ZRANB3: variants seen among roughly 807,000 people sequenced by gnomAD.
ZRANB3 encodes DNA annealing helicase and endonuclease ZRANB3.
In ZRANB3, 125 loss-of-function variants were observed where a neutral mutation model predicts 133.8. The observed-to-expected ratio is 0.93, with a 90% CI of 0.81 to 1.08. The LOEUF is 1.08. Among genes scored for constraint, ZRANB3 ranks in the 50% least tolerant of loss-of-function variants. The probability of loss-of-function intolerance (pLI) is 0.00; values close to 1 mark genes in which losing one functional copy is unlikely to be tolerated. For missense variants in ZRANB3, 1,229 were observed against 1,275.5 expected (o/e 0.96, Z 0.56); for synonymous variants, 387 against 432.7 (o/e 0.89, Z 1.31).
intron 2 of ZRANB3, among the ~76,000 whole-genome samples, chr2:135,458,731 C>T (rs1690635987): frequency 6.6e-6 from 1 of 152,012 alleles, no homozygotes; most frequent in Non-Finnish European, 1.5e-5. Context: ...CTATTCTAAT[C>T]CACCCAGTAC....
chr2:135,417,818 G>A (rs1456889830), intron 2 of ZRANB3, among the ~76,000 whole-genome samples: 1 of 152,140 alleles, frequency 6.6e-6, no homozygotes, highest in African/African-American at 2.4e-5. Context: ...GTAGGGACTG[G>A]ATGAAATTGG....
intron 3 of ZRANB3, among the ~76,000 whole-genome samples, chr2:135,372,964 C>G (rs1686253612): frequency 1.3e-5 from 2 of 151,616 alleles, no homozygotes; most frequent in African/African-American, 4.8e-5. Context: ...CACCTGTAGT[C>G]CTAGCTACTT....
chr2:135,518,314 C>T (rs1039039621), intron 1 of ZRANB3, among the ~76,000 whole-genome samples: 1 of 152,110 alleles, frequency 6.6e-6, no homozygotes, highest in Non-Finnish European at 1.5e-5. Context: ...ATGAAAAAAA[C>T]TCCTGCAGCT....
chr2:135,332,803 C>T (rs945033165), intron 6 of ZRANB3, among the ~76,000 whole-genome samples: 1 of 152,220 alleles, frequency 6.6e-6, no homozygotes, highest in African/African-American at 2.4e-5. Flanking sequence ...ACTGACTCCT[C>T]TAATTTCCAA....
intron 17 of ZRANB3, among the ~76,000 whole-genome samples, chr2:135,216,354 A>G (rs943082628): frequency 2.6e-5 from 4 of 152,200 alleles, no homozygotes; most frequent in African/African-American, 9.7e-5. Context: ...ATAAGGATGA[A>G]GAGAGATTAC....
intron 8 of ZRANB3, among the ~76,000 whole-genome samples, chr2:135,278,121 A>G (rs1320703590): frequency 6.6e-6 from 1 of 152,142 alleles, no homozygotes; most frequent in Non-Finnish European, 1.5e-5. Flanking sequence ...AATGGAAAAG[A>G]CCCACTACGT....
chr2:135,300,544 G>A (rs1392489919), intron 8 of ZRANB3, among the ~76,000 whole-genome samples: 3 of 152,116 alleles, frequency 2.0e-5, no homozygotes, highest in African/African-American at 4.8e-5. Flanking sequence ...TGCTTAATGG[G>A]GGTCTGGGCA....
At chr2:135,467,482 T>C (rs1007897539) in intron 2 of ZRANB3, among the ~76,000 whole-genome samples, 2 of 152,244 alleles carry the variant, frequency 1.3e-5, no homozygotes, top group African/African-American at 2.4e-5. Context: ...ATCTGTACTA[T>C]GCCCATCTCT....
intron 6 of ZRANB3, among the ~76,000 whole-genome samples, chr2:135,326,887 A>G (rs1683858424): frequency 7.1e-6 from 1 of 140,986 alleles, no homozygotes; most frequent in Admixed American, 7.3e-5. Context: ...CAGCAGAACA[A>G]GACTCCATCT....
intron 2 of ZRANB3, among the ~76,000 whole-genome samples, chr2:135,459,006 C>T (rs756405614): frequency 6.1e-4 from 93 of 152,238 alleles, no homozygotes; most frequent in South Asian, 2.3e-3. Context: ...CCCAAAGACA[C>T]TGTGGTTTGT....
At chr2:135,348,495 G>A (rs1292805784) in intron 5 of ZRANB3, among the ~76,000 whole-genome samples, 1 of 152,150 alleles carries the variant, frequency 6.6e-6, no homozygotes, top group African/African-American at 2.4e-5. Context: ...TAGGATGTAA[G>A]AGCCACTGTT....
intron 12 of ZRANB3, among the ~76,000 whole-genome samples, chr2:135,244,501 G>A (rs1025998157): frequency 3.9e-5 from 6 of 152,036 alleles, no homozygotes; most frequent in South Asian, 2.1e-4. Flanking sequence ...CCAGCTACTC[G>A]GGAGGCTGAC....
intron 6 of ZRANB3, among the ~76,000 whole-genome samples, chr2:135,341,664 G>A (rs1442164105): frequency 1.3e-5 from 2 of 149,846 alleles, no homozygotes; most frequent in Admixed American, 6.6e-5. Context: ...GAGAAATATC[G>A]CTGAATTCTT....
chr2:135,361,507 T>C (rs527966679), intron 3 of ZRANB3, among the ~76,000 whole-genome samples: 13 of 152,374 alleles, frequency 8.5e-5, no homozygotes, highest in African/African-American at 2.9e-4. Context: ...TTCACTTTTT[T>C]ATACTGTGAT....
intron 12 of ZRANB3, among the ~76,000 whole-genome samples, chr2:135,231,658 T>G (rs1426791580): frequency 6.6e-6 from 1 of 151,846 alleles, no homozygotes; most frequent in Non-Finnish European, 1.5e-5. Context: ...AGTGGTGGTG[T>G]GCACCTGTAG....
chr2:135,347,301 T>C (rs1440757169), intron 5 of ZRANB3, among the ~76,000 whole-genome samples: 1 of 151,270 alleles, frequency 6.6e-6, no homozygotes, highest in Non-Finnish European at 1.5e-5. Context: ...TCTCTTTTTT[T>C]TTTTTTTTTG....
chr2:135,324,952 A>C (rs1683738778), intron 6 of ZRANB3, among the ~76,000 whole-genome samples: 1 of 152,106 alleles, frequency 6.6e-6, no homozygotes, highest in African/African-American at 2.4e-5. Context: ...ATTTGTTTAA[A>C]ATGTAATACT....
intron 10 of ZRANB3, among the ~76,000 whole-genome samples, chr2:135,270,781 T>G (rs1432296567): frequency 6.6e-6 from 1 of 152,220 alleles, no homozygotes; most frequent in Non-Finnish European, 1.5e-5. Context: ...AAAGCAGATC[T>G]TTGGCATGTA....
intron 1 of ZRANB3, among the ~76,000 whole-genome samples, chr2:135,515,987 AAC>A (rs1051011276): frequency 1.3e-5 from 2 of 152,108 alleles, no homozygotes; most frequent in Non-Finnish European, 2.9e-5. Flanking sequence ...ATATATTTAA[AAC>A]AGTTAGCTCT....
Sources: gnomAD v4.1 joint callset for allele counts (sites outside exome capture counted in the v4.1 genomes callset) on GRCh38, gnomAD v4.1.1 for gene constraint, MANE v1.5 for transcripts, NCBI Gene and HGNC (gene_info 2026-07-23, HGNC 2026-07-21) for gene names.